Variants in PNPLA3 observed in about 807,000 individuals in gnomAD.
The protein encoded by PNPLA3 is patatin like domain 3, 1-acylglycerol-3-phosphate O-acyltransferase, also known as 1-acylglycerol-3-phosphate O-acyltransferase PNPLA3.
In PNPLA3, 42 loss-of-function variants were observed where a neutral mutation model predicts 43.1. The observed-to-expected ratio is 0.97, with a 90% confidence interval of 0.76 to 1.26. The LOEUF (loss-of-function observed/expected upper bound fraction) is 1.26. Among genes scored for constraint, PNPLA3 ranks in the 50% most tolerant of loss-of-function variants. The probability of loss-of-function intolerance (pLI) is 0.00; values close to 1 mark genes in which losing one functional copy is unlikely to be tolerated. For synonymous variants in PNPLA3, 272 were observed against 253.6 expected, an observed-to-expected ratio of 1.07 and a Z score of -0.69; for missense variants, 647 against 621.4, an observed-to-expected ratio of 1.04 and a Z score of -0.44.
intron 7 of PNPLA3, among the ~76,000 whole-genome samples, chr22:43,944,329 T>C (rs1336039375): frequency 6.6e-6 from 1 of 152,164 alleles, no homozygotes; most frequent in Non-Finnish European, 1.5e-5. Context: ...TCTGCTGGGC[T>C]CACATGTGAC....
At chr22:43,938,606 T>C (rs4823177) in intron 6 of PNPLA3, among the ~76,000 whole-genome samples, 30,828 of 152,036 alleles carry the variant, frequency 0.2, 3,608 homozygotes, top group East Asian at 0.39. Context: ...TGAGAACACA[T>C]TCACTATCAA....
chr22:43,927,180 C>T lies in PNPLA3; in HGVS notation c.420+13C>T, dbSNP rs766234516. ...CGAAGTCGTGGATGTAAGCAGTTTG[C>T]TTATCTGGACGTTGTCAAGTTAGAA... On this transcript the variant is annotated intron_variant, in intron 2 of 8. Coordinates refer to ENST00000216180, the MANE Select transcript of PNPLA3 (RefSeq NM_025225.3). The T allele has an allele frequency of 1.2e-6, 2 of 1,610,378 alleles. No individual in the cohort carries two copies. Among genetic ancestry groups the T allele is most frequent in the Non-Finnish European group, 1.7e-6 (2 of 1,176,828 alleles).
chr22:43,932,808 G>C (rs149225953), intron 3 of PNPLA3, 70 bp from the exon 4 acceptor site: 35 of 1,417,850 alleles, frequency 2.5e-5, no homozygotes, highest in Non-Finnish European at 3.2e-5. Context: ...ACATGTGAAA[G>C]CTTGTTAAGC....
intron 2 of PNPLA3, 73 bp downstream of exon 2, chr22:43,927,240 T>A (rs770081165): frequency 1.3e-5 from 19 of 1,411,568 alleles, no homozygotes; most frequent in Non-Finnish European, 1.9e-5. Context: ...GGCTCATGCC[T>A]GTCATCCCGG....
chr22:43,935,290 T>C (rs994038956), intron 5 of PNPLA3, among the ~76,000 whole-genome samples: 33 of 152,200 alleles, frequency 2.2e-4, no homozygotes, highest in African/African-American at 7.5e-4. Flanking sequence ...ACTGCATTTT[T>C]AAGGACATAT....
chr22:43,939,915 A>G (rs2050020316), intron 6 of PNPLA3, 78 bp from the exon 7 acceptor site: 7 of 1,605,204 alleles, frequency 4.4e-6, no homozygotes, highest in South Asian at 3.3e-5. Flanking sequence ...TTTTATGGAA[A>G]TGCTAAGCAC....
At chr22:43,929,173 C>G (rs1230062463) in intron 3 of PNPLA3, among the ~76,000 whole-genome samples, 4 of 152,156 alleles carry the variant, frequency 2.6e-5, no homozygotes, top group Non-Finnish European at 2.9e-5. Context: ...TCTCAGTGAT[C>G]TAGTTAAACT....
chr22:43,927,264 C>T (rs1034494605), intron 2 of PNPLA3, 97 bp downstream of exon 2: 40 of 1,128,574 alleles, frequency 3.5e-5, no homozygotes, highest in Admixed American at 1.8e-4. Flanking sequence ...TTTGGGAGGC[C>T]GAAGCGGGTG....
In PNPLA3 at chr22:43,937,184, G is replaced by A. The variant is rs2050001138; in HGVS notation, c.891G>A (p.Glu297=). ...CGGCTGCCTTGGCTGTGAGGCTGGAGGGAGATGAGCTGCTAGACCACCTGC... is the reference window on the plus strand; with the variant it reads ...CGGCTGCCTTGGCTGTGAGGCTGGAAGGAGATGAGCTGCTAGACCACCTGC... The part of the protein sequence containing the change: ...PESAALAVRL[E]GDELLDHLRL... Residue 297 remains glutamate, a synonymous_variant, in exon 6 of 9, where the codon GAG becomes GAA. Transcript: ENST00000216180. The A allele has an allele frequency of 6.2e-7, 1 of 1,614,074 alleles. No individual in the cohort carries two copies. The highest frequency in any genetic ancestry group is 1.3e-5 in the African/African-American group (1 of 74,928).
rs770541521 is a variant in PNPLA3 at position 43,923,918 on chromosome 22, G to A, written c.7G>A (p.Asp3Asn). 5 of 1,560,828 alleles carry A rather than the reference G, an allele frequency of 3.2e-6. No homozygotes were observed. The South Asian group carries it at 5.8e-5, about 18-fold the overall frequency. Reference sequence around the variant, plus strand: ...CCGCCCCGCCGCCGCCGCCATGTACGACGCAGAGCGCGGCTGGAGCTTGTC... The same window carrying A: ...CCGCCCCGCCGCCGCCGCCATGTACAACGCAGAGCGCGGCTGGAGCTTGTC... Reference protein sequence around the residue: MYDAERGWSLSFA... With the variant: MYNAERGWSLSFA... Residue 3 changes from aspartate (D) to asparagine (N), a missense_variant, in exon 1 of 9, where the codon GAC (aspartate) becomes AAC (asparagine). Asp to Asn is a conservative substitution (Grantham distance 23). Coordinates refer to ENST00000216180, the MANE Select transcript of PNPLA3 (RefSeq NM_025225.3).
In PNPLA3 at chr22:43,923,980, C is replaced by G; in HGVS notation, c.69C>G (p.Val23=). The change falls in exon 1 of 9, where the codon GTC becomes GTG. Residue 23 remains valine (V), a synonymous_variant. Transcript: ENST00000216180. ...AGCGFLGFYH[V]GATRCLSEHA... ...GCGGCTTCCTGGGCTTCTACCACGT[C>G]GGGGCGACCCGCTGCCTGAGCGAGC... 1.3e-6 allele frequency: 2 copies of G among 1,585,040 alleles called. No individual in the cohort carries two copies. The highest frequency in any genetic ancestry group is 1.7e-6 in the Non-Finnish European group (2 of 1,174,214).
chr22:43,927,194 G>A (rs139047), intron 2 of PNPLA3, 27 bp downstream of exon 2: 646,629 of 1,601,012 alleles, frequency 0.4, 133,857 homozygotes, highest in Non-Finnish European at 0.43. Flanking sequence ...TCTGGACGTT[G>A]TCAAGTTAGA....
chr22:43,927,001 A>G lies in PNPLA3; in HGVS notation c.254A>G (p.His85Arg), dbSNP rs770330503. 1.2e-6 allele frequency: 2 copies of G among 1,614,216 alleles called. No individual in the cohort carries two copies. The highest frequency in any genetic ancestry group is 2.2e-5 in the East Asian group (1 of 44,886). ...KARSRNIGIF[H>R]PSFNLSKFLR... ...AGGAGTCGGAACATTGGCATCTTCCATCCATCCTTCAACTTAAGCAAGTTC... is the reference window on the plus strand; with the variant it reads ...AGGAGTCGGAACATTGGCATCTTCCGTCCATCCTTCAACTTAAGCAAGTTC... Residue 85 changes from histidine (H) to arginine (R), a missense_variant, in exon 2 of 9, where the codon CAT (histidine) becomes CGT (arginine). Transcript: ENST00000216180.
chr22:43,934,335 AAG>A (rs945512279), intron 4 of PNPLA3, among the ~76,000 whole-genome samples: 2 of 144,882 alleles, frequency 1.4e-5, no homozygotes, highest in Non-Finnish European at 3.0e-5. Context: ...AAAAAAAAAA[AAG>A]AAAAGTAAAA....
At chr22:43,943,499 C>T (rs918488060) in intron 7 of PNPLA3, among the ~76,000 whole-genome samples, 2 of 152,170 alleles carry the variant, frequency 1.3e-5, no homozygotes, top group African/African-American at 4.8e-5. Context: ...GCTCCCCGTG[C>T]TCTGCCTGTT....
Position 43,946,142 on chromosome 22 carries a change from C to T in PNPLA3, c.1218-12C>T. 1 of 1,610,898 alleles carries T rather than the reference C, an allele frequency of 6.2e-7. No individual in the cohort carries two copies. The highest frequency in any genetic ancestry group is 1.7e-5 in the Admixed American group (1 of 59,980). ...GAACGGCCTCTAAGCCAACTTCCTC[C>T]ATGTGTTTCAGGTCCCAAATGCCAG... is the stretch of plus-strand genomic sequence containing the variant. On this transcript the variant is annotated splice_polypyrimidine_tract_variant and intron_variant, in intron 8 of 8. Transcript: ENST00000216180.
intron 1 of PNPLA3, 82 bp downstream of exon 1, chr22:43,924,180 CG>C: frequency 7.4e-7 from 1 of 1,347,236 alleles, no homozygotes; most frequent in Non-Finnish European, 9.6e-7. Context: ...CCAGGGGTCG[CG>C]GGGCCCTGGA....
At chr22:43,942,858 ACACC>A (rs2050040426) in intron 7 of PNPLA3, among the ~76,000 whole-genome samples, 1 of 151,794 alleles carries the variant, frequency 6.6e-6, no homozygotes, top group Admixed American at 6.6e-5. Context: ...ACACATCACC[ACACC>A]CAACAAATAT....
At chr22:43,934,702 T>C in intron 5 of PNPLA3, 36 bp downstream of exon 5, 1 of 1,572,084 alleles carries the variant, frequency 6.4e-7, no homozygotes, top group Non-Finnish European at 8.8e-7. Flanking sequence ...CATGCCCTTT[T>C]GACAAGCATT....
Sources: gnomAD v4.1 joint callset for allele counts (sites outside exome capture counted in the v4.1 genomes callset) on GRCh38, gnomAD v4.1.1 for gene constraint, MANE v1.5 for transcripts, NCBI Gene and HGNC (gene_info 2026-07-23, HGNC 2026-07-21) for gene names.